TRAIP: variants seen among roughly 807,000 people sequenced by gnomAD.
TRAIP encodes the protein E3 ubiquitin-protein ligase TRAIP.
A neutral mutation model predicts 65.0 loss-of-function variants in TRAIP; 37 were observed. The ratio of observed to expected loss-of-function variants is 0.57; its 90% CI spans 0.44 to 0.75. The LOEUF is 0.75. TRAIP is among the 30% of genes least tolerant of loss of function. TRAIP has a pLI of 0.00. For synonymous variants in TRAIP, 187 were observed against 219.1 expected (o/e 0.85, Z 1.29); for missense variants, 481 against 579.4 (o/e 0.83, Z 1.74).
rs1045385283 is a variant in TRAIP, at chr3:49,844,548, G to C, written c.273C>G (p.Ser91=). 3.5e-5 allele frequency: 56 copies of C among 1,613,888 alleles called. No individual in the cohort carries two copies. The highest frequency in any genetic ancestry group is 4.2e-5 in the Non-Finnish European group (50 of 1,179,970). ...NELDNVRAQL[S]QKDKEKRDSQ... is the part of the protein sequence containing the mutation. The stretch of plus-strand genomic sequence containing the variant: ...CGTCTCTTGCTAACTCACCTTTCTG[G>C]GAAAGCTGGGCTCTGACATTGTCCA... The change falls in exon 4 of 15, where the codon TCC becomes TCG. Residue 91 remains serine (S), a synonymous_variant. Coordinates refer to ENST00000331456, the MANE Select transcript of TRAIP (RefSeq NM_005879.3).
At chr3:49,849,992 G>A (rs561802414) in intron 1 of TRAIP, among the ~76,000 whole-genome samples, 4 of 151,498 alleles carry the variant, frequency 2.6e-5, no homozygotes, top group South Asian at 4.2e-4. Context: ...GACCACAGGC[G>A]TGCACCACCA....
intron 10 of TRAIP, among the ~76,000 whole-genome samples, chr3:49,832,764 G>C (rs903040491): frequency 6.9e-6 from 1 of 145,948 alleles, no homozygotes; most frequent in Non-Finnish European, 1.5e-5. Context: ...ACAGCCGACA[G>C]GATTCTTCCA....
At chr3:49,830,545 G>A (rs2081722266) in intron 11 of TRAIP, among the ~76,000 whole-genome samples, 2 of 152,168 alleles carry the variant, frequency 1.3e-5, no homozygotes, top group Admixed American at 1.3e-4. Flanking sequence ...CAGTAAAGTA[G>A]CCCACAAAAT....
chr3:49,840,905 T>C, intron 8 of TRAIP, 80 bp downstream of exon 8: 2 of 1,373,212 alleles, frequency 1.5e-6, no homozygotes, highest in Non-Finnish European at 2.1e-6. Flanking sequence ...TCAGGTCCCA[T>C]GGCCTTGCTC....
intron 1 of TRAIP, among the ~76,000 whole-genome samples, chr3:49,855,404 C>T (rs139397806): frequency 3.3e-5 from 5 of 151,932 alleles, no homozygotes; most frequent in East Asian, 1.9e-4. Flanking sequence ...GCCGAGATCA[C>T]GCCACTGCAC....
intron 1 of TRAIP, among the ~76,000 whole-genome samples, chr3:49,854,081 C>G (rs143909829): frequency 6.6e-6 from 1 of 152,244 alleles, no homozygotes; most frequent in Non-Finnish European, 1.5e-5. Context: ...AACCCCAGCA[C>G]TTTGGCAGGC....
rs763712255 is a variant in TRAIP, at chr3:49,847,513, A to G, written c.240+12T>C. 6.3e-7 allele frequency: 1 copy of G among 1,582,952 alleles called. No individual in the cohort carries two copies. Among genetic ancestry groups the G allele is most frequent in the Non-Finnish European group, 8.6e-7 (1 of 1,159,618 alleles). On this transcript the variant is annotated intron_variant, in intron 3 of 14. Transcript: ENST00000331456. Reference sequence around the variant, plus strand: ...GCTTGGAGTTCAGTAGAATCAGATAAATTCTGGGTACCTTTAAGAATTCTG... The same window carrying G: ...GCTTGGAGTTCAGTAGAATCAGATAGATTCTGGGTACCTTTAAGAATTCTG...
In TRAIP at chr3:49,830,040, T is replaced by A. The variant is rs759031604; in HGVS notation, c.1066A>T (p.Ile356Leu). Residue 356 changes from isoleucine (I) to leucine (L), a missense_variant, in exon 12 of 15, where the codon ATA becomes TTA. Transcript: ENST00000331456. ...CTTACCTTCCTGGGGCCTTTGCATATCTTCTTGGGGACATCCTGAATTGGG... is the reference window on the plus strand; with the variant it reads ...CTTACCTTCCTGGGGCCTTTGCATAACTTCTTGGGGACATCCTGAATTGGG... ...HSPIQDVPKK[I>L]CKGPRKESQL... The A allele has an allele frequency of 1.4e-5, 23 of 1,614,138 alleles. No individual in the cohort carries two copies. In the South Asian group the frequency reaches 2.5e-4, roughly 18 times the overall value.
intron 9 of TRAIP, 113 bp downstream of exon 9, chr3:49,840,171 G>T: frequency 4.0e-6 from 4 of 995,286 alleles, no homozygotes; most frequent in South Asian, 2.9e-5. Flanking sequence ...GGATGCAGGG[G>T]CCCAGAACCA....
At position 49,831,939 on chromosome 3, in the gene TRAIP, T is replaced by C. The variant is rs2081736515; in HGVS notation, c.1014A>G (p.Glu338=). 6.3e-7 allele frequency: 1 copy of C among 1,592,680 alleles called. No homozygotes were observed. The highest frequency in any genetic ancestry group is 8.6e-7 in the Non-Finnish European group (1 of 1,169,498). ...ACTGTGACTTCTCTAGGCAAAGTTTTTCGTAGTAACCATGCTGGGAGCTGG... is the reference window on the plus strand; with the variant it reads ...ACTGTGACTTCTCTAGGCAAAGTTTCTCGTAGTAACCATGCTGGGAGCTGG... The part of the protein sequence containing the change: ...RPSSSQHGYY[E]KLCLEKSHSP... The change falls in exon 11 of 15, where the codon GAA becomes GAG. Residue 338 remains glutamate, a synonymous_variant. Transcript: ENST00000331456.
At chr3:49,851,789 T>A (rs907737913) in intron 1 of TRAIP, among the ~76,000 whole-genome samples, 3 of 149,870 alleles carry the variant, frequency 2.0e-5, no homozygotes, top group African/African-American at 7.4e-5. Flanking sequence ...CTCCACCTCC[T>A]GAGTTCAAGC....
In TRAIP at chr3:49,829,736, A is replaced by G; in HGVS notation, c.1117T>C (p.Cys373Arg). Residue 373 changes from cysteine (C) to arginine (R), a missense_variant, in exon 13 of 15, where the codon TGT becomes CGT. Cys to Arg is a radical substitution (Grantham distance 180). Transcript: ENST00000331456. ...ESQLSLGGQS[C>R]AGEPDEELVG... ...AGTTCCTCATCTGGCTCTCCTGCAC[A>G]GCTCTGGCCACCCAGTGAGAGCTGG... is the stretch of plus-strand genomic sequence containing the variant. 1 of 1,614,178 alleles carries G rather than the reference A, an allele frequency of 6.2e-7. No individual in the cohort carries two copies. Among genetic ancestry groups the G allele is most frequent in the South Asian group, 1.1e-5 (1 of 91,086 alleles).
At chr3:49,835,799 C>T (rs1429093722) in intron 10 of TRAIP, among the ~76,000 whole-genome samples, 1 of 151,560 alleles carries the variant, frequency 6.6e-6, no homozygotes, top group Non-Finnish European at 1.5e-5. Flanking sequence ...ATTAGCCGGG[C>T]GTGGTGGCGG....
In TRAIP at chr3:49,831,983, T is replaced by C; in HGVS notation, c.970A>G (p.Thr324Ala). Residue 324 changes from threonine (T) to alanine (A), a missense_variant, in exon 11 of 15, where the codon ACT becomes GCT. Thr to Ala is a moderately conservative substitution (Grantham distance 58). Coordinates refer to ENST00000331456, the MANE Select transcript of TRAIP (RefSeq NM_005879.3). ...IDLNATFDVD[T>A]PPARPSSSQH... ...GAGCTGGAGGGCCGGGCTGGGGGAG[T>C]ATCCACATCAAAGGTAGCATTGAGA... 1.9e-6 allele frequency: 3 copies of C among 1,605,066 alleles called. No homozygotes were observed. Among genetic ancestry groups the C allele is most frequent in the Non-Finnish European group, 1.7e-6 (2 of 1,175,808 alleles).
chr3:49,840,469 G>C (rs2081829175), intron 8 of TRAIP, 96 bp from the exon 9 acceptor site: 1 of 993,386 alleles, frequency 1.0e-6, no homozygotes, highest in Non-Finnish European at 1.6e-6. Flanking sequence ...AGGTAGCCCA[G>C]AAGAGACTAG....
rs529438671 is a variant in TRAIP at position 49,841,066 on chromosome 3, G to A, written c.624C>T (p.Tyr208=). 2.0e-4 allele frequency: 317 copies of A among 1,614,006 alleles called. 2 individuals are homozygous for A. In the South Asian group the frequency reaches 3.2e-3, roughly 16 times the overall value. Residue 208 remains tyrosine (Y), a synonymous_variant, in exon 8 of 15, where the codon TAC becomes TAT. Transcript: ENST00000331456. ...CCTTCCGTGCCTCTTTTAGATTCTC[G>A]TACTCTCTGCAATGTGGCCATGGAA... The part of the protein sequence containing the change: ...AVYCVSLKKE[Y]ENLKEARKAS...
At chr3:49,848,325 A>G (rs2081903017) in intron 1 of TRAIP, 125 bp from the exon 2 acceptor site, 4 of 977,246 alleles carry the variant, frequency 4.1e-6, no homozygotes, top group Non-Finnish European at 6.3e-6. Context: ...TGCCCAAATA[A>G]GAGGACAGTA....
At chr3:49,834,085 G>A (rs2081760135) in intron 10 of TRAIP, among the ~76,000 whole-genome samples, 1 of 152,166 alleles carries the variant, frequency 6.6e-6, no homozygotes, top group Non-Finnish European at 1.5e-5. Flanking sequence ...GCAGCCCATT[G>A]CCTGCGTGGC....
At chr3:49,834,248 G>A (rs1479956339) in intron 10 of TRAIP, among the ~76,000 whole-genome samples, 1 of 152,178 alleles carries the variant, frequency 6.6e-6, no homozygotes, top group Non-Finnish European at 1.5e-5. Context: ...CTGTAGTTGG[G>A]GGTGGTGGCT....
Sources: allele counts gnomAD v4.1 joint callset (sites outside exome capture counted in the v4.1 genomes callset), GRCh38; gene constraint gnomAD v4.1.1; transcripts MANE v1.5; gene names NCBI Gene and HGNC (gene_info 2026-07-23, HGNC 2026-07-21).